SCFD2: variants seen among roughly 807,000 people sequenced by gnomAD.
SCFD2 encodes sec1 family domain-containing protein 2.
A neutral mutation model predicts 58.9 loss-of-function variants in SCFD2; 54 were observed. That is an observed-to-expected ratio of 0.92 (90% CI 0.74 to 1.15). The LOEUF is 1.15. Among genes scored for constraint, SCFD2 ranks in the 50% most tolerant of loss-of-function variants. The pLI is 0.00. For synonymous variants in SCFD2, 321 were observed against 335.9 expected, an observed-to-expected ratio of 0.96 and a Z score of 0.49; for missense variants, 805 against 836.6, an observed-to-expected ratio of 0.96 and a Z score of 0.47.
intron 8 of SCFD2, among the ~76,000 whole-genome samples, chr4:52,876,322 T>C (rs997947491): frequency 3.9e-5 from 6 of 152,196 alleles, no homozygotes; most frequent in African/African-American, 1.4e-4. Flanking sequence ...TGTGATTTGG[T>C]CCTAGATCTC....
chr4:53,286,787 G>T (rs1350208476), intron 3 of SCFD2, among the ~76,000 whole-genome samples: 1 of 152,046 alleles, frequency 6.6e-6, no homozygotes, highest in Non-Finnish European at 1.5e-5. Context: ...AGTCATTGTT[G>T]CCCTTCTCCC....
At chr4:52,902,666 A>T (rs770342796) in intron 7 of SCFD2, among the ~76,000 whole-genome samples, 8 of 152,222 alleles carry the variant, frequency 5.3e-5, no homozygotes, top group Admixed American at 2.6e-4. Context: ...TACGCGCCAG[A>T]CACTGTTCTG....
At chr4:53,004,161 A>T (rs568256307) in intron 5 of SCFD2, among the ~76,000 whole-genome samples, 1 of 152,320 alleles carries the variant, frequency 6.6e-6, no homozygotes, top group South Asian at 2.1e-4. Context: ...GAATAAGAAC[A>T]TGCACACGAT....
chr4:53,282,715 C>T (rs145472498), intron 3 of SCFD2, among the ~76,000 whole-genome samples: 67 of 151,576 alleles, frequency 4.4e-4, no homozygotes, highest in African/African-American at 1.3e-3. Context: ...CTTAGCTATA[C>T]CAGGAAATAA....
chr4:53,231,978 A>T (rs1729453877), intron 4 of SCFD2, among the ~76,000 whole-genome samples: 1 of 152,092 alleles, frequency 6.6e-6, no homozygotes, highest in Admixed American at 6.5e-5. Flanking sequence ...TTTCTATCAA[A>T]ACCAACGTTA....
At chr4:53,033,536 T>A (rs1310202398) in intron 5 of SCFD2, among the ~76,000 whole-genome samples, 1 of 152,010 alleles carries the variant, frequency 6.6e-6, no homozygotes, top group Non-Finnish European at 1.5e-5. Flanking sequence ...AGGAGCTAGC[T>A]TTTTCAAAAG....
At chr4:52,882,930 G>A (rs1192968752) in intron 8 of SCFD2, among the ~76,000 whole-genome samples, 1 of 152,212 alleles carries the variant, frequency 6.6e-6, no homozygotes, top group Non-Finnish European at 1.5e-5. Flanking sequence ...TCAAGTAAAG[G>A]CTGGATAGTA....
At chr4:53,277,134 C>G (rs972098809) in intron 3 of SCFD2, among the ~76,000 whole-genome samples, 2 of 152,124 alleles carry the variant, frequency 1.3e-5, no homozygotes, top group African/African-American at 4.8e-5. Flanking sequence ...GTGAACAAAT[C>G]CAGACAAAAA....
chr4:52,975,682 C>T (rs1166404491), intron 5 of SCFD2, among the ~76,000 whole-genome samples: 1 of 152,048 alleles, frequency 6.6e-6, no homozygotes, highest in Non-Finnish European at 1.5e-5. Context: ...GGTATATACC[C>T]AAAGGATTAT....
chr4:53,209,776 A>C (rs1156255622), intron 4 of SCFD2, among the ~76,000 whole-genome samples: 3 of 152,050 alleles, frequency 2.0e-5, no homozygotes, highest in Non-Finnish European at 4.4e-5. Context: ...TCCATTAAAA[A>C]AAAAAATACA....
At chr4:53,080,397 G>C (rs1406764672) in intron 5 of SCFD2, among the ~76,000 whole-genome samples, 1 of 152,124 alleles carries the variant, frequency 6.6e-6, no homozygotes, top group Non-Finnish European at 1.5e-5. Context: ...GGTATAATTA[G>C]AATGGGTCAT....
intron 5 of SCFD2, among the ~76,000 whole-genome samples, chr4:53,044,098 C>T (rs1722966410): frequency 6.6e-6 from 1 of 152,146 alleles, no homozygotes; most frequent in African/African-American, 2.4e-5. Flanking sequence ...GGCCACAGTC[C>T]TCCTGGTCAG....
At chr4:52,992,711 C>T (rs981579834) in intron 5 of SCFD2, among the ~76,000 whole-genome samples, 28 of 152,088 alleles carry the variant, frequency 1.8e-4, no homozygotes, top group South Asian at 1.0e-3. Flanking sequence ...CGTCTCCGCC[C>T]GGCCGCCCCG....
intron 5 of SCFD2, among the ~76,000 whole-genome samples, chr4:53,033,107 GAACA>G (rs1427107867): frequency 4.6e-5 from 7 of 151,968 alleles, no homozygotes; most frequent in South Asian, 2.1e-4. Flanking sequence ...ATGGAAATCA[GAACA>G]AACAGTCTCT....
intron 4 of SCFD2, among the ~76,000 whole-genome samples, chr4:53,203,727 G>GA (rs924522377): frequency 1.3e-5 from 2 of 152,036 alleles, no homozygotes; most frequent in African/African-American, 4.8e-5. Context: ...TAGAATCCTT[G>GA]AAAGGCTCAG....
intron 5 of SCFD2, among the ~76,000 whole-genome samples, chr4:53,023,674 G>A (rs899773490): frequency 1.3e-5 from 2 of 152,020 alleles, no homozygotes; most frequent in African/African-American, 2.4e-5. Flanking sequence ...TTAGCTTCAC[G>A]TTTTCTATTC....
intron 5 of SCFD2, among the ~76,000 whole-genome samples, chr4:53,038,544 A>ACT (rs1722819403): frequency 6.6e-6 from 1 of 152,144 alleles, no homozygotes; most frequent in Non-Finnish European, 1.5e-5. Context: ...TTGCATGGAG[A>ACT]GTTTCATGAA....
chr4:52,896,174 C>T (rs1019998226), intron 7 of SCFD2, among the ~76,000 whole-genome samples: 31 of 152,194 alleles, frequency 2.0e-4, no homozygotes, highest in African/African-American at 7.2e-4. Context: ...TAATGAGATC[C>T]CATTTGTCAA....
intron 2 of SCFD2, among the ~76,000 whole-genome samples, chr4:53,317,330 C>T (rs545661529): frequency 5.9e-5 from 9 of 152,212 alleles, no homozygotes; most frequent in South Asian, 2.1e-4. Context: ...GTCTCCTGCA[C>T]CCACTTCTTC....
Sources: gnomAD v4.1 joint callset for allele counts (sites outside exome capture counted in the v4.1 genomes callset) on GRCh38, gnomAD v4.1.1 for gene constraint, MANE v1.5 for transcripts, NCBI Gene and HGNC (gene_info 2026-07-23, HGNC 2026-07-21) for gene names.